KCNQ5: variants seen among roughly 807,000 people sequenced by gnomAD.
The protein encoded by KCNQ5 is potassium voltage-gated channel subfamily KQT member 5.
In KCNQ5, 30 loss-of-function variants were observed where a neutral mutation model predicts 98.2. The ratio of observed to expected loss-of-function variants is 0.31; its 90% CI spans 0.23 to 0.41. KCNQ5 has a LOEUF of 0.41. KCNQ5 is among the 10% of genes least tolerant of loss of function. The pLI is 1.00. For missense variants in KCNQ5, 835 were observed against 1,182.5 expected, an observed-to-expected ratio of 0.71 and a Z score of 4.31; for synonymous variants, 458 against 449.4, an observed-to-expected ratio of 1.02 and a Z score of -0.24.
At chr6:73,071,646 G>A (rs1400283955) in intron 3 of KCNQ5, among the ~76,000 whole-genome samples, 6 of 152,136 alleles carry the variant, frequency 3.9e-5, no homozygotes, top group Admixed American at 1.3e-4. Context: ...ATCACATGAC[G>A]AGAGATGAAG....
At chr6:72,696,375 T>C (rs1001794774) in intron 1 of KCNQ5, among the ~76,000 whole-genome samples, 1 of 152,122 alleles carries the variant, frequency 6.6e-6, no homozygotes, top group African/African-American at 2.4e-5. Flanking sequence ...TGTGAAAAAA[T>C]TTTTAATATT....
intron 2 of KCNQ5, among the ~76,000 whole-genome samples, chr6:73,032,100 A>T (rs1268180624): frequency 6.6e-6 from 1 of 152,232 alleles, no homozygotes; most frequent in East Asian, 1.9e-4. Context: ...ATATGAGAAG[A>T]TAAGATCTGT....
chr6:73,181,400 C>T (rs1031018575), intron 11 of KCNQ5, among the ~76,000 whole-genome samples: 3 of 152,228 alleles, frequency 2.0e-5, no homozygotes, highest in African/African-American at 7.2e-5. Context: ...ACTTATTCCT[C>T]AGCCTTTTGC....
intron 11 of KCNQ5, among the ~76,000 whole-genome samples, chr6:73,178,484 C>A (rs576751858): frequency 1.1e-3 from 170 of 148,598 alleles, no homozygotes; most frequent in African/African-American, 4.1e-3. Context: ...ATATAAAGGA[C>A]AATAATGGCA....
At chr6:72,701,747 C>T (rs1768818373) in intron 1 of KCNQ5, among the ~76,000 whole-genome samples, 1 of 152,108 alleles carries the variant, frequency 6.6e-6, no homozygotes, top group South Asian at 2.1e-4. Context: ...CAGAGTCTCA[C>T]TCTGTCACCG....
chr6:72,905,392 T>C (rs1779659882), intron 1 of KCNQ5, among the ~76,000 whole-genome samples: 1 of 152,208 alleles, frequency 6.6e-6, no homozygotes, highest in African/African-American at 2.4e-5. Context: ...GGGATTCTTC[T>C]TGGTTCGGGT....
chr6:72,700,150 T>G (rs1768720760), intron 1 of KCNQ5, among the ~76,000 whole-genome samples: 1 of 152,218 alleles, frequency 6.6e-6, no homozygotes, highest in African/African-American at 2.4e-5. Flanking sequence ...TTAGGCATTA[T>G]TGTTATCCCA....
At chr6:72,943,090 C>A (rs2150243757) in intron 1 of KCNQ5, among the ~76,000 whole-genome samples, 1 of 152,294 alleles carries the variant, frequency 6.6e-6, no homozygotes, top group South Asian at 2.1e-4. Flanking sequence ...TTATTTACTA[C>A]TTAAATGTAG....
chr6:72,961,804 A>G (rs1313224063), intron 1 of KCNQ5, among the ~76,000 whole-genome samples: 1 of 152,064 alleles, frequency 6.6e-6, no homozygotes, highest in African/African-American at 2.4e-5. Context: ...AGAGGTTGAC[A>G]GAGGAGAACA....
intron 1 of KCNQ5, among the ~76,000 whole-genome samples, chr6:72,711,001 T>G (rs1002089567): frequency 2.6e-5 from 4 of 152,006 alleles, no homozygotes; most frequent in Non-Finnish European, 4.4e-5. Flanking sequence ...CTGACCATAG[T>G]AGTAGGAAGC....
chr6:73,052,483 T>C (rs1210579847), intron 3 of KCNQ5, among the ~76,000 whole-genome samples: 1 of 152,082 alleles, frequency 6.6e-6, no homozygotes, highest in African/African-American at 2.4e-5. Context: ...TAACAGCAGC[T>C]AAAGAGAAGG....
intron 1 of KCNQ5, among the ~76,000 whole-genome samples, chr6:72,923,350 A>G (rs1489949675): frequency 2.0e-5 from 3 of 152,212 alleles, no homozygotes; most frequent in Non-Finnish European, 4.4e-5. Context: ...CATTCCCACC[A>G]ATAGTGTACA....
intron 2 of KCNQ5, among the ~76,000 whole-genome samples, chr6:73,029,105 A>C (rs1290579029): frequency 6.6e-6 from 1 of 152,194 alleles, no homozygotes; most frequent in East Asian, 1.9e-4. Flanking sequence ...CATATTGATG[A>C]TGTGAGCAGA....
At chr6:72,771,652 CTGTGTGTG>C (rs150518788) in intron 1 of KCNQ5, among the ~76,000 whole-genome samples, 9 of 147,864 alleles carry the variant, frequency 6.1e-5, no homozygotes, top group African/African-American at 1.5e-4. Context: ...AACCATTTCA[CTGTGTGTG>C]TGTGTGTGTG....
intron 1 of KCNQ5, among the ~76,000 whole-genome samples, chr6:72,681,846 A>G (rs906211515): frequency 2.6e-5 from 4 of 152,194 alleles, no homozygotes; most frequent in African/African-American, 9.6e-5. Context: ...ATATGGAGTC[A>G]GTCTAAATTA....
intron 1 of KCNQ5, among the ~76,000 whole-genome samples, chr6:72,920,750 AT>A (rs1242244415): frequency 6.6e-6 from 1 of 152,108 alleles, no homozygotes; most frequent in Non-Finnish European, 1.5e-5. Context: ...ATTTTGTCTG[AT>A]TTTCTAAGTG....
At chr6:72,695,493 A>G (rs1768440259) in intron 1 of KCNQ5, among the ~76,000 whole-genome samples, 1 of 152,044 alleles carries the variant, frequency 6.6e-6, no homozygotes, top group Non-Finnish European at 1.5e-5. Context: ...CTGAAACCCC[A>G]CCTCTCCATC....
At chr6:72,769,089 A>G (rs975581979) in intron 1 of KCNQ5, among the ~76,000 whole-genome samples, 5 of 152,054 alleles carry the variant, frequency 3.3e-5, no homozygotes, top group Non-Finnish European at 2.9e-5. Context: ...TGCTTTTCCT[A>G]TTTCCACGTA....
rs1772438752 is a variant in KCNQ5, at chr6:73,055,443, A to G, written c.616+13381A>G. On this transcript the variant is annotated intron_variant, in intron 3 of 13. Coordinates refer to ENST00000370398, the MANE Select transcript of KCNQ5 (RefSeq NM_019842.4). ...CAGGTGAAGATCTGCAGGTGCTCCT[A>G]TGATGTCCCACCACCTCCGATGGAG... 6 of 1,542,368 alleles carry G rather than the reference A, an allele frequency of 3.9e-6. No individual in the cohort carries two copies. The South Asian group carries it at 4.5e-5, about 11-fold the overall frequency.
Sources: gnomAD v4.1 joint callset for allele counts (sites outside exome capture counted in the v4.1 genomes callset) on GRCh38, gnomAD v4.1.1 for gene constraint, MANE v1.5 for transcripts, NCBI Gene and HGNC (gene_info 2026-07-23, HGNC 2026-07-21) for gene names.